The following TMEM116 variants were observed in gnomAD, a reference collection of about 807,000 sequenced individuals.
TMEM116 encodes the protein transmembrane protein 116.
A neutral mutation model predicts 44.3 loss-of-function variants in TMEM116; 38 were observed. The ratio of observed to expected loss-of-function variants is 0.86; its 90% CI spans 0.66 to 1.12. The LOEUF is 1.12. TMEM116 is among the 50% of genes most tolerant of loss of function. The probability of loss-of-function intolerance (pLI) is 0.00; values close to 1 mark genes in which losing one functional copy is unlikely to be tolerated. For missense variants in TMEM116, 354 were observed against 401.7 expected, an observed-to-expected ratio of 0.88 and a Z score of 1.01; for synonymous variants, 132 against 144.8, an observed-to-expected ratio of 0.91 and a Z score of 0.64.
At chr12:111,955,567 T>C (rs1264220074) in intron 4 of TMEM116, among the ~76,000 whole-genome samples, 6 of 152,212 alleles carry the variant, frequency 3.9e-5, no homozygotes. Flanking sequence ...AGCCTTCTGA[T>C]CCAAATGTTA....
intron 1 of TMEM116, chr12:112,012,641 C>T (rs2077898148): frequency 6.6e-6 from 1 of 152,522 alleles, no homozygotes; most frequent in Non-Finnish European, 1.5e-5. Context: ...GCCGCCTCCT[C>T]CCCCAACAAA....
chr12:111,936,724 C>T lies in TMEM116; in HGVS notation c.556G>A (p.Gly186Ser), dbSNP rs1389719223. ...GTAAGGAGGCTGAGTACAAAGCTGC[C>T]CAGGAAAATGGCGATACCATAAAAA... ...LYFYGIAIFLGSFVLSLLTIM... is the reference protein window; with the variant it reads ...LYFYGIAIFLSSFVLSLLTIM... The change falls in exon 8 of 11, where the codon GGC becomes AGC. Residue 186 changes from glycine (G) to serine (S), a missense_variant. Physicochemically the swap from Gly to Ser is moderately conservative, Grantham distance 56. Coordinates refer to ENST00000552374, the MANE Select transcript of TMEM116 (RefSeq NM_001193531.2). 2 of 1,613,858 alleles carry T rather than the reference C, an allele frequency of 1.2e-6. No homozygotes were observed. Among genetic ancestry groups the T allele is most frequent in the East Asian group, 4.5e-5 (2 of 44,874 alleles).
Position 111,956,714 on chromosome 12 carries a change from C to T in TMEM116, c.211-13345G>A, listed in dbSNP as rs554656039. ...TTTTTTGGTGGAGACGGGGTTTCGC[C>T]GTGTTGGCTGGGCTGGTCTCCAGCT... is the stretch of plus-strand genomic sequence containing the variant. On this transcript the variant is annotated intron_variant, in intron 4 of 10. Transcript: ENST00000552374. 1.8e-4 allele frequency among the ~76,000 whole-genome samples: 28 copies of T among 152,298 alleles called. No individual in the cohort carries two copies. The South Asian group carries it at 2.1e-3, about 11-fold the overall frequency.
chr12:111,952,442 T>G (rs1173679697), intron 4 of TMEM116, among the ~76,000 whole-genome samples: 3 of 152,186 alleles, frequency 2.0e-5, no homozygotes, highest in African/African-American at 7.2e-5. Context: ...ACACATAATT[T>G]AAAAGCAGGC....
intron 8 of TMEM116, 148 bp from the exon 9 acceptor site, chr12:111,934,178 C>A: frequency 1.0e-6 from 1 of 988,654 alleles, no homozygotes; most frequent in Non-Finnish European, 1.4e-6. Flanking sequence ...TGAGATCAGG[C>A]TTTTTTTTAA....
chr12:112,005,380 CT>C (rs1463316318), intron 1 of TMEM116, 77 bp from the exon 2 acceptor site: 4 of 1,025,060 alleles, frequency 3.9e-6, no homozygotes, highest in Admixed American at 8.3e-5. Flanking sequence ...TATTAACTAT[CT>C]GTACAGCATG....
At chr12:112,012,762 T>G (rs2077906121) in intron 1 of TMEM116, 1 of 152,326 alleles carries the variant, frequency 6.6e-6, no homozygotes, top group Non-Finnish European at 1.5e-5. Context: ...CGGAACAGAA[T>G]GATTAGAATT....
chr12:111,933,062 G>A (rs2071790686), intron 9 of TMEM116, among the ~76,000 whole-genome samples: 1 of 152,054 alleles, frequency 6.6e-6, no homozygotes, highest in Non-Finnish European at 1.5e-5. Context: ...CCAACATGGC[G>A]AAACCCTGTC....
chr12:112,003,938 T>G (rs561596284), intron 2 of TMEM116, 75 bp from the exon 3 acceptor site: 105 of 1,415,020 alleles, frequency 7.4e-5, no homozygotes, highest in South Asian at 4.1e-4. Flanking sequence ...TAATTTTGGG[T>G]TTTTTTTACA....
intron 3 of TMEM116, among the ~76,000 whole-genome samples, chr12:111,999,106 A>C (rs1349352270): frequency 6.6e-6 from 1 of 152,184 alleles, no homozygotes; most frequent in African/African-American, 2.4e-5. Flanking sequence ...TCTTAAGAAA[A>C]ATACAACCAG....
intron 5 of TMEM116, among the ~76,000 whole-genome samples, chr12:111,940,342 CT>C (rs1015532800): frequency 5.4e-5 from 8 of 149,006 alleles, no homozygotes; most frequent in African/African-American, 2.0e-4. Context: ...ATATAAAATA[CT>C]TTTTCCTCTT....
intron 10 of TMEM116, among the ~76,000 whole-genome samples, 177 bp from the exon 11 acceptor site, chr12:111,932,004 A>G (rs760243148): frequency 6.6e-6 from 1 of 152,142 alleles, no homozygotes; most frequent in Non-Finnish European, 1.5e-5. Context: ...TCTACACTAC[A>G]CTGTTACGGA....
chr12:112,002,516 G>T (rs892517208), intron 3 of TMEM116, among the ~76,000 whole-genome samples: 5 of 148,248 alleles, frequency 3.4e-5, no homozygotes, highest in Non-Finnish European at 7.4e-5. Context: ...AGTGAGCCAA[G>T]ATCGTGCCAC....
intron 3 of TMEM116, among the ~76,000 whole-genome samples, chr12:111,997,584 A>C (rs917693224): frequency 5.9e-5 from 9 of 152,112 alleles, no homozygotes; most frequent in Non-Finnish European, 1.0e-4. Flanking sequence ...AACAAACAAA[A>C]AAAACAAACA....
chr12:111,993,547 C>A, intron 3 of TMEM116: 1 of 545,082 alleles, frequency 1.8e-6, no homozygotes, highest in South Asian at 1.6e-5. Context: ...GGTTCAAATT[C>A]AAACCCAACC....
chr12:111,994,098 A>C (rs1292270278), intron 3 of TMEM116, among the ~76,000 whole-genome samples: 3 of 152,336 alleles, frequency 2.0e-5, no homozygotes, highest in South Asian at 4.1e-4. Context: ...CTGCTTGTTG[A>C]TCAGTGTTGA....
intron 4 of TMEM116, among the ~76,000 whole-genome samples, chr12:111,991,424 T>C (rs576768680): frequency 6.7e-6 from 1 of 149,662 alleles, no homozygotes; most frequent in South Asian, 2.1e-4. Context: ...CTCGGGAGGC[T>C]GAGGCAGGAG....
chr12:111,974,486 C>T (rs949896092), intron 4 of TMEM116, among the ~76,000 whole-genome samples: 2 of 151,870 alleles, frequency 1.3e-5, no homozygotes, highest in African/African-American at 2.4e-5. Flanking sequence ...CCTGTCTCTA[C>T]TAAAAATACA....
At chr12:111,953,083 T>C (rs991797468) in intron 4 of TMEM116, among the ~76,000 whole-genome samples, 5 of 152,136 alleles carry the variant, frequency 3.3e-5, no homozygotes, top group African/African-American at 1.2e-4. Context: ...TCTACAAAAG[T>C]ACAACTCCTA....
Sources: gnomAD v4.1 joint callset for allele counts (sites outside exome capture counted in the v4.1 genomes callset) on GRCh38, gnomAD v4.1.1 for gene constraint, MANE v1.5 for transcripts, NCBI Gene and HGNC (gene_info 2026-07-23, HGNC 2026-07-21) for gene names.